Variants in RAB22A observed in about 807,000 individuals in gnomAD.
The protein encoded by RAB22A is ras-related protein Rab-22A.
Under a neutral mutation model 30.2 loss-of-function variants are expected in RAB22A, and 13 were observed. That is an observed-to-expected ratio of 0.43 (90% CI 0.28 to 0.68). The LOEUF is 0.68. RAB22A is among the 30% of genes least tolerant of loss of function. The pLI is 0.18. For synonymous variants in RAB22A, 89 were observed against 87.2 expected, an observed-to-expected ratio of 1.02 and a Z score of -0.11; for missense variants, 177 against 246.8, an observed-to-expected ratio of 0.72 and a Z score of 1.89.
At position 58,365,305 on chromosome 20, in the gene RAB22A, C is replaced by T. The variant is rs960720853; in HGVS notation, c.*5602C>T. 2.6e-5 allele frequency: 4 copies of T among 152,224 alleles called. No individual in the cohort carries two copies. Among genetic ancestry groups the T allele is most frequent in the African/African-American group, 7.2e-5 (3 of 41,460 alleles). The allele number at this position is 152,224 out of a possible 1,614,324, so 9.4% of individuals were successfully genotyped here. A position where few individuals can be genotyped will look rare whatever the true frequency, so the allele number is the denominator to read the frequency against. On this transcript the variant is annotated 3_prime_UTR_variant, in exon 7 of 7. Transcript: ENST00000244040. ...AGAAGAGCTGGGCATACCTCTTCCT[C>T]TAGGCCAATTCAGAGGCCACTGGCC...
intron 6 of RAB22A, among the ~76,000 whole-genome samples, chr20:58,356,876 G>A (rs180860880): frequency 3.9e-5 from 6 of 152,254 alleles, no homozygotes; most frequent in South Asian, 2.1e-4. Context: ...GGGTAAGGGG[G>A]CAGTGAAGAA....
chr20:58,329,384 G>C (rs11696414), intron 2 of RAB22A, among the ~76,000 whole-genome samples: 18,248 of 152,118 alleles, frequency 0.12, 1,717 homozygotes, highest in East Asian at 0.42. Flanking sequence ...GTTTTTGCTA[G>C]ATGTAGATTT....
chr20:58,336,601 A>G (rs1986759033), intron 2 of RAB22A, among the ~76,000 whole-genome samples: 1 of 152,266 alleles, frequency 6.6e-6, no homozygotes, highest in African/African-American at 2.4e-5. Context: ...GGCAAGGCTC[A>G]GTTTAAAAAA....
intron 2 of RAB22A, among the ~76,000 whole-genome samples, chr20:58,328,570 C>A (rs1986607890): frequency 6.6e-6 from 1 of 152,086 alleles, no homozygotes; most frequent in Non-Finnish European, 1.5e-5. Flanking sequence ...TCCCGCCGCC[C>A]CCCACAATGT....
intron 2 of RAB22A, among the ~76,000 whole-genome samples, chr20:58,339,945 A>G (rs574653900): frequency 6.6e-6 from 1 of 152,072 alleles, no homozygotes. Context: ...GCCACAGGCA[A>G]CCTCCCCCTC....
At position 58,363,241 on chromosome 20, in the gene RAB22A, C is replaced by CTT. The variant is rs1175699611; in HGVS notation, c.*3539_*3540insTT. ...CATGGTTACAGGCATCTTTTAGATT[C>CTT]TAAGAGTGAGTTACAGAATTCTTTT... On this transcript the variant is annotated 3_prime_UTR_variant, in exon 7 of 7. Coordinates refer to ENST00000244040, the MANE Select transcript of RAB22A (RefSeq NM_020673.3). The CTT allele has an allele frequency of 2.0e-5, 3 of 152,182 alleles. No homozygotes were observed. Among genetic ancestry groups the CTT allele is most frequent in the Non-Finnish European group, 2.9e-5 (2 of 68,034 alleles). The allele number at this position is 152,182 out of a possible 1,614,324, so 9.4% of individuals were successfully genotyped here. A position where few individuals can be genotyped will look rare whatever the true frequency, so the allele number is the denominator to read the frequency against.
intron 2 of RAB22A, among the ~76,000 whole-genome samples, chr20:58,327,656 A>G (rs1986591147): frequency 1.3e-5 from 2 of 152,216 alleles, no homozygotes; most frequent in Non-Finnish European, 2.9e-5. Context: ...CCCAAACTCA[A>G]GGGAGTAGGG....
In RAB22A at chr20:58,365,896, CT is replaced by C. The variant is rs1221048238; in HGVS notation, c.*6194del. ...ATCAGGCTGGTCTCGAACTCCTGAC[CT>C]CACGATCCGCCCGCCTCGGCCTCCC... On this transcript the variant is annotated 3_prime_UTR_variant, in exon 7 of 7. Coordinates refer to ENST00000244040, the MANE Select transcript of RAB22A (RefSeq NM_020673.3). 2.0e-5 allele frequency: 3 copies of C among 152,194 alleles called. No homozygotes were observed. Among genetic ancestry groups the C allele is most frequent in the Admixed American group, 1.3e-4 (2 of 15,276 alleles). The allele number at this position is 152,194 out of a possible 1,614,324, so 9.4% of individuals were successfully genotyped here.
At chr20:58,318,376 A>G (rs1053524513) in intron 2 of RAB22A, among the ~76,000 whole-genome samples, 10 of 152,162 alleles carry the variant, frequency 6.6e-5, no homozygotes, top group Non-Finnish European at 1.0e-4. Flanking sequence ...CGTAACATGC[A>G]TGCACAGGTT....
At position 58,353,553 on chromosome 20, in the gene RAB22A, C is replaced by A; in HGVS notation, c.377+15C>A. 1 of 1,534,552 alleles carries A rather than the reference C, an allele frequency of 6.5e-7. No homozygotes were observed. The highest frequency in any genetic ancestry group is 9.0e-7 in the Non-Finnish European group (1 of 1,108,376). ...ATCGATGTAAGGTAAGTTATTAGAA[C>A]GAGAGATTACAATACCTATTATGTG... On this transcript the variant is annotated intron_variant, in intron 5 of 6. Transcript: ENST00000244040.
At chr20:58,346,324 G>A (rs1478725817) in intron 3 of RAB22A, among the ~76,000 whole-genome samples, 1 of 152,142 alleles carries the variant, frequency 6.6e-6, no homozygotes, top group African/African-American at 2.4e-5. Flanking sequence ...ACTTCCCACT[G>A]CACCTCTCAT....
chr20:58,347,553 T>A (rs1335834859), intron 3 of RAB22A, among the ~76,000 whole-genome samples: 1 of 152,244 alleles, frequency 6.6e-6, no homozygotes, highest in Non-Finnish European at 1.5e-5. Context: ...CGTATTGTGC[T>A]AGTATGTAGT....
intron 2 of RAB22A, among the ~76,000 whole-genome samples, chr20:58,341,954 A>C (rs920525863): frequency 7.9e-5 from 12 of 152,170 alleles, no homozygotes; most frequent in African/African-American, 2.4e-4. Flanking sequence ...TAATTGATGG[A>C]GAGTTGAGTT....
intron 6 of RAB22A, among the ~76,000 whole-genome samples, chr20:58,355,255 C>A (rs910251722): frequency 6.6e-6 from 1 of 152,152 alleles, no homozygotes; most frequent in Non-Finnish European, 1.5e-5. Flanking sequence ...GCAAGGTTGA[C>A]CCATGAGCAG....
In RAB22A at chr20:58,363,307, GA is replaced by G. The variant is rs1342308701; in HGVS notation, c.*3605del. The G allele has an allele frequency of 6.6e-6, 1 of 152,188 alleles. No individual in the cohort carries two copies. 9.4% of individuals were successfully genotyped at this position (152,188 alleles called of 1,614,324 possible). On this transcript the variant is annotated 3_prime_UTR_variant, in exon 7 of 7. Transcript: ENST00000244040. The stretch of plus-strand genomic sequence containing the variant: ...TTCTTTCAGAATACATCAAGGATGT[GA>G]TTTATGGGCCCTTAAGAGTATAAGA...
At chr20:58,319,712 T>C (rs1986414947) in intron 2 of RAB22A, among the ~76,000 whole-genome samples, 1 of 152,178 alleles carries the variant, frequency 6.6e-6, no homozygotes, top group Non-Finnish European at 1.5e-5. Flanking sequence ...AATGTAGGTC[T>C]TTTACCATTC....
rs1360941329 is a variant in RAB22A at position 58,353,551 on chromosome 20, A to G, written c.377+13A>G. The G allele has an allele frequency of 6.5e-7, 1 of 1,545,708 alleles. No homozygotes were observed. The highest frequency in any genetic ancestry group is 2.2e-5 in the East Asian group (1 of 44,520). ...TTATCGATGTAAGGTAAGTTATTAG[A>G]ACGAGAGATTACAATACCTATTATG... is the stretch of plus-strand genomic sequence containing the variant. On this transcript the variant is annotated intron_variant, in intron 5 of 6. Coordinates refer to ENST00000244040, the MANE Select transcript of RAB22A (RefSeq NM_020673.3).
chr20:58,310,756 T>C lies in RAB22A; in HGVS notation c.37-287T>C, dbSNP rs371667722. Reference sequence around the variant, plus strand: ...CAGGAGTTCAAAGTTTACTAACATATGTTAAAAAGCAAGTGGACTTGTTAC... The same window carrying C: ...CAGGAGTTCAAAGTTTACTAACATACGTTAAAAAGCAAGTGGACTTGTTAC... On this transcript the variant is annotated intron_variant, in intron 1 of 6. Transcript: ENST00000244040. 2.6e-5 allele frequency among the ~76,000 whole-genome samples: 4 copies of C among 152,356 alleles called. No individual in the cohort carries two copies. The East Asian group carries it at 7.7e-4, about 29-fold the overall frequency.
At position 58,310,046 on chromosome 20, in the gene RAB22A, G is replaced by T. The variant is rs530444489; in HGVS notation, c.36+34G>T. The T allele has an allele frequency of 1.7e-4, 209 of 1,261,142 alleles. 3 individuals carry two copies. In the South Asian group the frequency reaches 4.1e-3, roughly 25 times the overall value. 78.1% of individuals were successfully genotyped at this position (1,261,142 alleles called of 1,614,324 possible). ...CGGCGGGTCCGGCCGGGAGGGCCAC[G>T]GGAGGCTGGGCTGGCGGGGACCCCG... On this transcript the variant is annotated intron_variant, in intron 1 of 6. Coordinates refer to ENST00000244040, the MANE Select transcript of RAB22A (RefSeq NM_020673.3).
Sources: gnomAD v4.1 joint callset for allele counts (sites outside exome capture counted in the v4.1 genomes callset) on GRCh38, gnomAD v4.1.1 for gene constraint, MANE v1.5 for transcripts, NCBI Gene and HGNC (gene_info 2026-07-23, HGNC 2026-07-21) for gene names.